The following SGK1 variants were observed in gnomAD, a reference collection of about 807,000 sequenced individuals.
SGK1 encodes the protein serum/glucocorticoid regulated kinase 1, also known as serine/threonine-protein kinase Sgk1.
Under a neutral mutation model 64.2 loss-of-function variants are expected in SGK1, and 26 were observed. The ratio of observed to expected loss-of-function variants is 0.40; its 90% confidence interval spans 0.30 to 0.56. SGK1 has a LOEUF of 0.56. Among genes scored for constraint, SGK1 ranks in the 20% least tolerant of loss-of-function variants. The pLI, the probability that SGK1 is intolerant of heterozygous loss-of-function variation, is 0.38. For missense variants in SGK1, 519 were observed against 645.6 expected (o/e 0.80, Z 2.12); for synonymous variants, 265 against 239.7 (o/e 1.11, Z -0.98).
At chr6:134,188,649 G>C (rs1392730480) in intron 3 of SGK1, among the ~76,000 whole-genome samples, 3 of 151,948 alleles carry the variant, frequency 2.0e-5, no homozygotes, top group Non-Finnish European at 4.4e-5. Flanking sequence ...TTCATACTAA[G>C]CAATAAACAC....
At chr6:134,191,835 A>AGTTTTTTTTTTTT (rs1775516429) in intron 3 of SGK1, among the ~76,000 whole-genome samples, 2 of 61,202 alleles carry the variant, frequency 3.3e-5, no homozygotes, top group African/African-American at 6.7e-5. Flanking sequence ...CGCCCGGCTG[A>AGTTTTTTTTTTTT]TTTTTTTTTT....
At chr6:134,266,272 A>AC (rs1222658239) in intron 1 of SGK1, among the ~76,000 whole-genome samples, 2 of 152,076 alleles carry the variant, frequency 1.3e-5, no homozygotes, top group African/African-American at 4.8e-5. Flanking sequence ...GGCGTGAGCA[A>AC]CTGCACCTGG....
chr6:134,183,290 TTTTC>T (rs1182527192), intron 3 of SGK1, among the ~76,000 whole-genome samples: 23 of 152,230 alleles, frequency 1.5e-4, no homozygotes, highest in African/African-American at 5.3e-4. Flanking sequence ...AACATTTATT[TTTTC>T]TTTGTGTTGA....
intron 5 of SGK1, 145 bp from the exon 6 acceptor site, chr6:134,173,711 C>T (rs1217862486): frequency 1.6e-6 from 1 of 640,304 alleles, no homozygotes. Context: ...TACATTTCAT[C>T]ACATTTCAAA....
At chr6:134,175,179 T>C (rs1320944233) in intron 3 of SGK1, among the ~76,000 whole-genome samples, 1 of 152,096 alleles carries the variant, frequency 6.6e-6, no homozygotes, top group East Asian at 1.9e-4. Context: ...CGGGGTAGTT[T>C]TCCACCTCTC....
chr6:134,206,728 A>C (rs964778132), intron 3 of SGK1, among the ~76,000 whole-genome samples: 7 of 151,560 alleles, frequency 4.6e-5, no homozygotes, highest in Middle Eastern at 6.8e-3. Context: ...TTATCCAGGC[A>C]TGGTGGCTCA....
At chr6:134,171,988 TACAA>T in intron 10 of SGK1, 1 of 705,764 alleles carries the variant, frequency 1.4e-6, no homozygotes, top group Non-Finnish European at 2.4e-6. Flanking sequence ...AGATCTTACT[TACAA>T]ACAGCTACTT....
chr6:134,272,164 G>A (rs1776948959), intron 1 of SGK1, among the ~76,000 whole-genome samples: 2 of 126,886 alleles, frequency 1.6e-5, no homozygotes, highest in Admixed American at 8.8e-5. Context: ...TTCTTGAGAC[G>A]GACTCTTGCT....
At chr6:134,170,983 C>CG (rs1562235791) in intron 12 of SGK1, 40 bp downstream of exon 12, 1 of 1,612,552 alleles carries the variant, frequency 6.2e-7, no homozygotes, top group Non-Finnish European at 8.5e-7. Context: ...GTCTAGTGCA[C>CG]GTCCCGGCCG....
chr6:134,224,248 A>G (rs78977891), intron 2 of SGK1, among the ~76,000 whole-genome samples: 12,631 of 152,306 alleles, frequency 0.083, 831 homozygotes, highest in East Asian at 0.24. Context: ...ACATCTCGAC[A>G]ATGATTCTTT....
chr6:134,233,704 A>C (rs1776323555), intron 2 of SGK1, among the ~76,000 whole-genome samples: 1 of 152,212 alleles, frequency 6.6e-6, no homozygotes, highest in Admixed American at 6.5e-5. Context: ...ATTTAAATAT[A>C]ATTCATGCAG....
At chr6:134,190,951 T>C (rs1361026075) in intron 3 of SGK1, among the ~76,000 whole-genome samples, 1 of 152,218 alleles carries the variant, frequency 6.6e-6, no homozygotes, top group African/African-American at 2.4e-5. Context: ...TCCTCATATG[T>C]GCCAATTATG....
intron 1 of SGK1, among the ~76,000 whole-genome samples, chr6:134,273,464 G>A (rs1256877661): frequency 1.3e-5 from 2 of 148,624 alleles, no homozygotes. Flanking sequence ...GTAGTGGTGG[G>A]CGCCTGTAGT....
chr6:134,214,488 G>A (rs1246351929), intron 2 of SGK1, among the ~76,000 whole-genome samples: 1 of 152,008 alleles, frequency 6.6e-6, no homozygotes, highest in Non-Finnish European at 1.5e-5. Context: ...CTACTCAGGA[G>A]GCTGAGGCAG....
intron 1 of SGK1, among the ~76,000 whole-genome samples, chr6:134,306,914 G>GGGC (rs1020620998): frequency 6.8e-6 from 1 of 147,246 alleles, no homozygotes; most frequent in African/African-American, 2.5e-5. Context: ...AAATAAAAGG[G>GGGC]GGGGGGGGCG....
intron 2 of SGK1, among the ~76,000 whole-genome samples, chr6:134,245,643 C>T (rs1776514897): frequency 6.6e-6 from 1 of 152,138 alleles, no homozygotes; most frequent in African/African-American, 2.4e-5. Flanking sequence ...TTATTGAGCC[C>T]AGGATTTTGG....
chr6:134,229,122 C>T (rs890994061), intron 2 of SGK1, among the ~76,000 whole-genome samples: 1 of 152,178 alleles, frequency 6.6e-6, no homozygotes, highest in East Asian at 1.9e-4. Flanking sequence ...TGAGCCACCG[C>T]GCCCAGCGCG....
chr6:134,193,768 AG>A (rs1775551374), intron 3 of SGK1, among the ~76,000 whole-genome samples: 1 of 103,384 alleles, frequency 9.7e-6, no homozygotes, highest in Non-Finnish European at 1.9e-5. Flanking sequence ...AAAAAAGAAA[AG>A]AAAGGAGAGG....
At chr6:134,188,465 G>T (rs975091879) in intron 3 of SGK1, among the ~76,000 whole-genome samples, 1 of 152,126 alleles carries the variant, frequency 6.6e-6, no homozygotes, top group Non-Finnish European at 1.5e-5. Flanking sequence ...TCAGGGACCT[G>T]CCAGAAAGAG....
Sources: allele counts gnomAD v4.1 joint callset (sites outside exome capture counted in the v4.1 genomes callset), GRCh38; gene constraint gnomAD v4.1.1; transcripts MANE v1.5; gene names NCBI Gene and HGNC (gene_info 2026-07-23, HGNC 2026-07-21).